MTSS1: variants seen among roughly 807,000 people sequenced by gnomAD.
MTSS1 encodes the protein MTSS I-BAR domain containing 1, also known as protein MTSS 1.
MTSS1 carries 18 observed loss-of-function variants against 79.0 expected under a neutral mutation model. That is an observed-to-expected ratio of 0.23 (90% CI 0.16 to 0.34). The LOEUF (loss-of-function observed/expected upper bound fraction) is 0.34. Among genes scored for constraint, MTSS1 ranks in the 10% least tolerant of loss-of-function variants. MTSS1 has a pLI of 1.00. For synonymous variants in MTSS1, 341 were observed against 368.6 expected (o/e 0.93, Z 0.86); for missense variants, 815 against 986.2 (o/e 0.83, Z 2.33).
chr8:124,558,940 A>C, intron 10 of MTSS1: 1 of 1,370,494 alleles, frequency 7.3e-7, no homozygotes, highest in Non-Finnish European at 9.6e-7. Flanking sequence ...GGAAGGGCAC[A>C]CACAGAGAGA....
At chr8:124,714,676 TG>T (rs1207612823) in intron 1 of MTSS1, among the ~76,000 whole-genome samples, 2 of 152,164 alleles carry the variant, frequency 1.3e-5, no homozygotes, top group Non-Finnish European at 2.9e-5. Context: ...TTGGACAGGC[TG>T]GCCTTGAACT....
intron 3 of MTSS1, among the ~76,000 whole-genome samples, chr8:124,639,775 T>C (rs768937995): frequency 1.3e-5 from 2 of 152,208 alleles, no homozygotes; most frequent in Non-Finnish European, 2.9e-5. Context: ...CAGATTTCTT[T>C]TCTATGTAGT....
intron 3 of MTSS1, among the ~76,000 whole-genome samples, chr8:124,616,371 TAAAAAAAAAAA>T (rs68110053): frequency 8.4e-6 from 1 of 119,610 alleles, no homozygotes; most frequent in African/African-American, 3.0e-5. Flanking sequence ...TTTCAGGCAG[TAAAAAAAAAAA>T]AAAAAAAAAA....
Position 124,557,662 on chromosome 8 carries a change from GA to G in MTSS1, c.1230+18del, listed in dbSNP as rs1339417693. ...ACAGAGGCAATGACGGGGAGAGGAGGAGGGGGAGAGACACAAACCTTCCAGC... is the reference window on the plus strand; with the variant it reads ...ACAGAGGCAATGACGGGGAGAGGAGGGGGGGAGAGACACAAACCTTCCAGC... On this transcript the variant is annotated intron_variant, in intron 11 of 13. Transcript: ENST00000518547. 6.4e-7 allele frequency: 1 copy of G among 1,550,844 alleles called. No individual in the cohort carries two copies.
intron 2 of MTSS1, 41 bp downstream of exon 2, chr8:124,704,089 G>C: frequency 1.3e-6 from 2 of 1,583,842 alleles, no homozygotes; most frequent in Non-Finnish European, 1.7e-6. Context: ...CCTTGTCTGA[G>C]GATGTTGTCC....
At chr8:124,554,305 ATAGT>A (rs1563727967) in intron 13 of MTSS1, among the ~76,000 whole-genome samples, 2 of 152,206 alleles carry the variant, frequency 1.3e-5, no homozygotes, top group African/African-American at 4.8e-5. Flanking sequence ...TTTGGGCTGG[ATAGT>A]TCTTTGTTAT....
chr8:124,629,505 C>CAAAAAAAAAAA (rs982816199), intron 3 of MTSS1, among the ~76,000 whole-genome samples: 45 of 61,690 alleles, frequency 7.3e-4, no homozygotes, highest in Non-Finnish European at 1.4e-3. Flanking sequence ...GACTCCGTCT[C>CAAAAAAAAAAA]AAAAAAAAAA....
At chr8:124,721,390 TTA>T in intron 1 of MTSS1, among the ~76,000 whole-genome samples, 1 of 15,400 alleles carries the variant, frequency 6.5e-5, no homozygotes, top group Non-Finnish European at 1.8e-4. Flanking sequence ...TTCAGTTTAT[TTA>T]CTTTAACATT....
intron 13 of MTSS1, among the ~76,000 whole-genome samples, chr8:124,554,337 G>T (rs1823117595): frequency 6.6e-6 from 1 of 152,158 alleles, no homozygotes; most frequent in South Asian, 2.1e-4. Flanking sequence ...GTGGTGGGGA[G>T]GGGCCGTGCT....
intron 3 of MTSS1, among the ~76,000 whole-genome samples, chr8:124,615,807 G>A (rs1448074230): frequency 6.6e-6 from 1 of 152,212 alleles, no homozygotes; most frequent in East Asian, 1.9e-4. Context: ...ACTGAGGCAA[G>A]AACAAGCAGT....
rs1822944940 is a variant in MTSS1, at chr8:124,553,560, G to A, written c.1700C>T (p.Pro567Leu). ...SYRRMFQAKR[P>L]ASTAGLPTTL... ...GGTGGGGAGGCCAGCAGTTGAGGCT[G>A]GACGCTTGGCTTGGAACATCCGTCG... Residue 567 changes from proline (P) to leucine (L), a missense_variant, in exon 14 of 14, where the codon CCA becomes CTA. Physicochemically the swap from Pro to Leu is moderately conservative, Grantham distance 98. Coordinates refer to ENST00000518547, the MANE Select transcript of MTSS1 (RefSeq NM_014751.6). This position sits in a 1 kb window ranked among gnomAD's most constrained non-coding sequence, Gnocchi z 6.0. 2 of 1,614,006 alleles carry A rather than the reference G, an allele frequency of 1.2e-6. No homozygotes were observed. The highest frequency in any genetic ancestry group is 2.7e-5 in the African/African-American group (2 of 74,894).
intron 3 of MTSS1, among the ~76,000 whole-genome samples, chr8:124,645,172 A>G (rs1367710674): frequency 6.6e-6 from 1 of 152,184 alleles, no homozygotes; most frequent in Non-Finnish European, 1.5e-5. Flanking sequence ...GGTTGAGACT[A>G]GCCCGGAAAA....
rs1035660812 is a variant in MTSS1, at chr8:124,553,733, T to C, written c.1568-41A>G. On this transcript the variant is annotated intron_variant, in intron 13 of 13. Transcript: ENST00000518547. This position sits in a 1 kb window ranked among gnomAD's most constrained non-coding sequence, Gnocchi z 6.0. ...GATTAGACATATTCAAGACAGCAGCTGTGCTTTTTTGATTCTTCTGGGCTG... is the reference window on the plus strand; with the variant it reads ...GATTAGACATATTCAAGACAGCAGCCGTGCTTTTTTGATTCTTCTGGGCTG... 2 of 1,539,048 alleles carry C rather than the reference T, an allele frequency of 1.3e-6. No homozygotes were observed. Among genetic ancestry groups the C allele is most frequent in the Non-Finnish European group, 1.8e-6 (2 of 1,132,342 alleles).
At chr8:124,716,339 A>G (rs1343038724) in intron 1 of MTSS1, among the ~76,000 whole-genome samples, 3 of 152,256 alleles carry the variant, frequency 2.0e-5, no homozygotes, top group Non-Finnish European at 4.4e-5. Context: ...AAGGAAGTCG[A>G]GATCATGCTC....
intron 6 of MTSS1, among the ~76,000 whole-genome samples, chr8:124,584,071 G>T (rs1381216333): frequency 1.3e-5 from 2 of 152,140 alleles, no homozygotes; most frequent in African/African-American, 4.8e-5. Context: ...AAAATTCAGG[G>T]TGGGGGGCTC....
At chr8:124,690,333 G>T (rs1265560529) in intron 3 of MTSS1, among the ~76,000 whole-genome samples, 1 of 152,194 alleles carries the variant, frequency 6.6e-6, no homozygotes, top group Non-Finnish European at 1.5e-5. Flanking sequence ...TCTGTTAGGG[G>T]TAAGACAATC....
chr8:124,557,554 T>A, intron 11 of MTSS1, 127 bp downstream of exon 11: 1 of 985,866 alleles, frequency 1.0e-6, no homozygotes, highest in Non-Finnish European at 1.5e-6. Flanking sequence ...GGGAGAGGCA[T>A]TATGGGGAAG....
At chr8:124,600,198 C>A (rs1290690819) in intron 3 of MTSS1, among the ~76,000 whole-genome samples, 1 of 152,012 alleles carries the variant, frequency 6.6e-6, no homozygotes, top group Non-Finnish European at 1.5e-5. Context: ...ATTTTGTTCC[C>A]AAATCTTTTA....
At chr8:124,603,579 A>C (rs1834293190) in intron 3 of MTSS1, among the ~76,000 whole-genome samples, 1 of 152,212 alleles carries the variant, frequency 6.6e-6, no homozygotes, top group African/African-American at 2.4e-5. Context: ...ACCCTTGGGC[A>C]TGGAGAGATG....
Sources: allele counts gnomAD v4.1 joint callset (sites outside exome capture counted in the v4.1 genomes callset), GRCh38; gene constraint gnomAD v4.1.1; non-coding constraint Gnocchi (gnomAD v3.1); transcripts MANE v1.5; gene names NCBI Gene and HGNC (gene_info 2026-07-23, HGNC 2026-07-21).